The following SNAP25 variants were observed in gnomAD, a reference collection of about 807,000 sequenced individuals.
SNAP25 encodes synaptosomal-associated protein 25.
A neutral mutation model predicts 28.7 loss-of-function variants in SNAP25; 3 were observed. The observed-to-expected ratio is 0.10, with a 90% CI of 0.05 to 0.27. The LOEUF (loss-of-function observed/expected upper bound fraction) is 0.27. Among genes scored for constraint, SNAP25 ranks in the 10% least tolerant of loss-of-function variants. The probability of loss-of-function intolerance (pLI) is 1.00; values close to 1 mark genes in which losing one functional copy is unlikely to be tolerated. For synonymous variants in SNAP25, 61 were observed against 88.1 expected (o/e 0.69, Z 1.72); for missense variants, 117 against 278.7 (o/e 0.42, Z 4.13).
rs573174894 is a variant in SNAP25 at position 10,293,994 on chromosome 20, C to CT, written c.281+722dup. 2.4e-4 allele frequency among the ~76,000 whole-genome samples: 37 copies of CT among 152,282 alleles called. No individual in the cohort carries two copies. In the South Asian group the frequency reaches 6.6e-3, roughly 27 times the overall value. ...CAACTGTTCTCAAGGTTCTGCAACG[C>CT]TTTTTTGGAATGTAGCAGAAATGTG... On this transcript the variant is annotated intron_variant, in intron 5 of 7. Coordinates refer to ENST00000254976, the MANE Select transcript of SNAP25 (RefSeq NM_130811.4). The surrounding 1 kb of genome is among the most constrained non-coding windows in gnomAD (Gnocchi z 5.6).
chr20:10,263,780 G>A (rs1423924463), intron 1 of SNAP25, among the ~76,000 whole-genome samples: 1 of 152,128 alleles, frequency 6.6e-6, no homozygotes, highest in Non-Finnish European at 1.5e-5. Flanking sequence ...CATCCCTAAG[G>A]GGCGGTTCTC....
intron 4 of SNAP25, among the ~76,000 whole-genome samples, chr20:10,289,896 T>C (rs1368900644): frequency 6.6e-6 from 1 of 151,850 alleles, no homozygotes; most frequent in African/African-American, 2.4e-5. Context: ...CATTGGTGGA[T>C]CTATCACAAA....
At chr20:10,270,120 G>T (rs966550250) in intron 1 of SNAP25, among the ~76,000 whole-genome samples, 1 of 152,100 alleles carries the variant, frequency 6.6e-6, no homozygotes, top group Admixed American at 6.5e-5. Flanking sequence ...TGGCGTGGTG[G>T]TGCATGCCTG....
At chr20:10,236,902 ACTGT>A (rs1223793723) in intron 1 of SNAP25, among the ~76,000 whole-genome samples, 2 of 151,978 alleles carry the variant, frequency 1.3e-5, no homozygotes, top group African/African-American at 2.4e-5. Context: ...CCTGGGCAGA[ACTGT>A]CTGTGTCAGT....
chr20:10,253,905 C>A (rs907696420), intron 1 of SNAP25, among the ~76,000 whole-genome samples: 1 of 152,176 alleles, frequency 6.6e-6, no homozygotes, highest in Admixed American at 6.5e-5. Context: ...GTGGCCTAGC[C>A]AGACCTTCCA....
intron 1 of SNAP25, among the ~76,000 whole-genome samples, chr20:10,241,687 G>A (rs1431022451): frequency 6.6e-6 from 1 of 152,118 alleles, no homozygotes; most frequent in Admixed American, 6.5e-5. Context: ...GTGATCAGGT[G>A]TTGCAGACAG....
intron 1 of SNAP25, among the ~76,000 whole-genome samples, chr20:10,252,511 A>C (rs2063248116): frequency 6.6e-6 from 1 of 152,228 alleles, no homozygotes; most frequent in Non-Finnish European, 1.5e-5. Context: ...AATAACAAAA[A>C]CTTTTGACGG....
At chr20:10,267,248 G>C (rs557061731) in intron 1 of SNAP25, among the ~76,000 whole-genome samples, 8 of 152,146 alleles carry the variant, frequency 5.3e-5, no homozygotes, top group African/African-American at 1.9e-4. Flanking sequence ...GTAACACATA[G>C]AGCACAATTT....
intron 1 of SNAP25, among the ~76,000 whole-genome samples, chr20:10,241,726 G>T (rs1023204572): frequency 6.6e-6 from 1 of 152,158 alleles, no homozygotes; most frequent in Non-Finnish European, 1.5e-5. Context: ...CAGGGGCAAG[G>T]TGGGTGCTTT....
chr20:10,221,862 G>A (rs1163477458), intron 1 of SNAP25, among the ~76,000 whole-genome samples: 4 of 152,250 alleles, frequency 2.6e-5, no homozygotes, highest in Non-Finnish European at 5.9e-5. Context: ...AGGTTTTGAC[G>A]ATTAGTAGAA....
chr20:10,228,981 A>C (rs2062779813), intron 1 of SNAP25, among the ~76,000 whole-genome samples: 1 of 152,140 alleles, frequency 6.6e-6, no homozygotes. Context: ...AAAGATTTTT[A>C]AATGCCTTTG....
At chr20:10,283,824 C>T (rs115232826) in intron 3 of SNAP25, among the ~76,000 whole-genome samples, 2,247 of 152,176 alleles carry the variant, frequency 0.015, 56 homozygotes, top group African/African-American at 0.049. Context: ...CATTAACAGT[C>T]GCCCTGTAAA....
rs570121767 is a variant in SNAP25, at chr20:10,291,720, C to T, written c.164-1441C>T. Among the ~76,000 whole-genome samples, 11 of 152,256 alleles carry T rather than the reference C, an allele frequency of 7.2e-5. 1 individual carries two copies. In the South Asian group the frequency reaches 2.3e-3, roughly 32 times the overall value. On this transcript the variant is annotated intron_variant, in intron 4 of 7. Coordinates refer to ENST00000254976, the MANE Select transcript of SNAP25 (RefSeq NM_130811.4). ...TTAAGTGATAATGTATGCCCTTAGG[C>T]TGGAAATGTACTTATCAGTTGTATT...
chr20:10,265,930 G>A (rs182728848), intron 1 of SNAP25, among the ~76,000 whole-genome samples: 1 of 152,302 alleles, frequency 6.6e-6, no homozygotes, highest in Admixed American at 6.5e-5. Context: ...TGGTGAGGCC[G>A]ATGCTGGTCT....
intron 1 of SNAP25, among the ~76,000 whole-genome samples, chr20:10,243,484 T>G (rs1390325967): frequency 6.6e-6 from 1 of 152,208 alleles, no homozygotes; most frequent in East Asian, 1.9e-4. Context: ...TCCCCTGTTT[T>G]CTTTAGTTTG....
At chr20:10,229,288 T>G (rs1003206937) in intron 1 of SNAP25, among the ~76,000 whole-genome samples, 6 of 152,126 alleles carry the variant, frequency 3.9e-5, no homozygotes, top group African/African-American at 1.4e-4. Context: ...AGGTTTCTTA[T>G]TAAATATTGT....
chr20:10,236,932 A>C (rs896880257), intron 1 of SNAP25, among the ~76,000 whole-genome samples: 3 of 151,290 alleles, frequency 2.0e-5, no homozygotes, highest in Non-Finnish European at 4.4e-5. Flanking sequence ...CACCAGCTTC[A>C]GTTTACTGAG....
intron 1 of SNAP25, among the ~76,000 whole-genome samples, chr20:10,219,991 T>A (rs931804342): frequency 3.9e-5 from 6 of 152,230 alleles, no homozygotes; most frequent in Admixed American, 1.3e-4. Flanking sequence ...ATACATTTTT[T>A]AAAAAATATG....
chr20:10,303,576 T>C (rs1205681613), intron 7 of SNAP25, among the ~76,000 whole-genome samples: 4 of 152,152 alleles, frequency 2.6e-5, no homozygotes, highest in Admixed American at 6.5e-5. Context: ...CTGGTAATCA[T>C]TGAGTGATAC....
Sources: allele counts gnomAD v4.1 joint callset (sites outside exome capture counted in the v4.1 genomes callset), GRCh38; gene constraint gnomAD v4.1.1; non-coding constraint Gnocchi (gnomAD v3.1); transcripts MANE v1.5; gene names NCBI Gene and HGNC (gene_info 2026-07-23, HGNC 2026-07-21).